ABCG2: variants seen among roughly 807,000 people sequenced by gnomAD.
ABCG2 encodes the protein broad substrate specificity ATP-binding cassette transporter ABCG2.
In ABCG2, 80 loss-of-function variants were observed where a neutral mutation model predicts 73.5. The observed-to-expected ratio is 1.09, with a 90% confidence interval of 0.91 to 1.31. The LOEUF is 1.31. Among genes scored for constraint, ABCG2 ranks in the 50% most tolerant of loss-of-function variants. The pLI, the probability that ABCG2 is intolerant of heterozygous loss-of-function variation, is 0.00. For synonymous variants in ABCG2, 269 were observed against 282.4 expected (o/e 0.95, Z 0.48); for missense variants, 796 against 786.2 (o/e 1.01, Z -0.15).
intron 6 of ABCG2, among the ~76,000 whole-genome samples, chr4:88,120,296 C>T (rs1196313005): frequency 6.6e-6 from 1 of 152,190 alleles, no homozygotes; most frequent in Non-Finnish European, 1.5e-5. Context: ...GGGTGGGAGC[C>T]CCTACACAGG....
chr4:88,146,709 T>A (rs1051125914), intron 1 of ABCG2, among the ~76,000 whole-genome samples: 3 of 151,866 alleles, frequency 2.0e-5, no homozygotes, highest in Non-Finnish European at 2.9e-5. Context: ...CTGTTAATTT[T>A]TATAGCAAAT....
At chr4:88,191,308 A>G (rs13117650) in intron 1 of ABCG2, among the ~76,000 whole-genome samples, 83,063 of 149,350 alleles carry the variant, frequency 0.56, 23,976 homozygotes, top group East Asian at 0.99. Flanking sequence ...ATTTACAAAG[A>G]CATTTCACCT....
intron 9 of ABCG2, among the ~76,000 whole-genome samples, chr4:88,112,671 AAGTG>A (rs1723220853): frequency 6.6e-6 from 1 of 152,200 alleles, no homozygotes; most frequent in South Asian, 2.1e-4. Flanking sequence ...CAGTGAACAA[AAGTG>A]AACAGCTACC....
chr4:88,093,999 T>G (rs1012691513), intron 15 of ABCG2, among the ~76,000 whole-genome samples: 7 of 152,208 alleles, frequency 4.6e-5, no homozygotes, highest in African/African-American at 1.2e-4. Flanking sequence ...TATTCCAAGT[T>G]AATTTAAAAA....
intron 1 of ABCG2, 111 bp from the exon 2 acceptor site, chr4:88,140,125 G>T: frequency 2.3e-6 from 2 of 884,184 alleles, no homozygotes; most frequent in Non-Finnish European, 3.4e-6. Flanking sequence ...GCAATGAGCA[G>T]CTTCATTTCC....
At chr4:88,176,720 C>T (rs536288993) in intron 1 of ABCG2, among the ~76,000 whole-genome samples, 1 of 143,144 alleles carries the variant, frequency 7.0e-6, no homozygotes, top group African/African-American at 2.6e-5. Flanking sequence ...TCTTGAGCTC[C>T]TGGACTCAAG....
chr4:88,119,205 C>A (rs1578195761), intron 6 of ABCG2, among the ~76,000 whole-genome samples: 2 of 152,208 alleles, frequency 1.3e-5, no homozygotes, highest in Admixed American at 6.5e-5. Context: ...GTACAACATG[C>A]CTTTTCTTCT....
intron 1 of ABCG2, among the ~76,000 whole-genome samples, chr4:88,214,502 A>T (rs1729732164): frequency 6.6e-6 from 1 of 152,100 alleles, no homozygotes; most frequent in South Asian, 2.1e-4. Context: ...AGGGATAGAT[A>T]ACTGGAACAA....
rs564379674 is a variant in ABCG2, at chr4:88,109,267, G to A, written c.1195-2001C>T. Among the ~76,000 whole-genome samples, 7 of 152,104 alleles carry A rather than the reference G, an allele frequency of 4.6e-5. No homozygotes were observed. In the East Asian group the frequency reaches 9.7e-4, roughly 21 times the overall value. On this transcript the variant is annotated intron_variant, in intron 9 of 15. Coordinates refer to ENST00000237612, the MANE Select transcript of ABCG2 (RefSeq NM_004827.3). ...CCCGCCTTGGCCTCCCAAAGCACTGGGATTACATGCATGAGCCACCATGCC... is the reference window on the plus strand; with the variant it reads ...CCCGCCTTGGCCTCCCAAAGCACTGAGATTACATGCATGAGCCACCATGCC...
chr4:88,229,689 T>A (rs981725285), intron 1 of ABCG2, among the ~76,000 whole-genome samples: 1 of 152,122 alleles, frequency 6.6e-6, no homozygotes, highest in African/African-American at 2.4e-5. Context: ...TTTTTCCCAT[T>A]GCTTTCTTCT....
At chr4:88,139,003 T>C (rs1279884771) in intron 2 of ABCG2, among the ~76,000 whole-genome samples, 1 of 151,782 alleles carries the variant, frequency 6.6e-6, no homozygotes, top group East Asian at 2.0e-4. Context: ...TAGCCAGGCA[T>C]GGTGGCACAC....
At chr4:88,148,922 T>C (rs1040987508) in intron 1 of ABCG2, among the ~76,000 whole-genome samples, 3 of 152,242 alleles carry the variant, frequency 2.0e-5, no homozygotes, top group Admixed American at 1.3e-4. Flanking sequence ...TTCTGTCCCC[T>C]TAATTTTTCA....
intron 13 of ABCG2, among the ~76,000 whole-genome samples, chr4:88,096,721 G>A (rs1722008747): frequency 1.3e-5 from 2 of 151,674 alleles, no homozygotes; most frequent in Admixed American, 1.3e-4. Flanking sequence ...AAAATTTAGG[G>A]GCATGTAAGA....
At chr4:88,131,743 C>G (rs2231140) in intron 4 of ABCG2, 60 bp downstream of exon 4, 1,593 of 1,255,704 alleles carry the variant, frequency 1.3e-3, no homozygotes, top group Non-Finnish European at 1.7e-3. Flanking sequence ...AACTATCAGC[C>G]AAAGCACTTA....
chr4:88,167,776 A>G (rs1727599781), intron 1 of ABCG2, among the ~76,000 whole-genome samples: 1 of 152,182 alleles, frequency 6.6e-6, no homozygotes, highest in Non-Finnish European at 1.5e-5. Flanking sequence ...TATAACTTCA[A>G]AATCCTTCAG....
chr4:88,120,398 G>A (rs1723888120), intron 6 of ABCG2, among the ~76,000 whole-genome samples: 1 of 152,118 alleles, frequency 6.6e-6, no homozygotes, highest in South Asian at 2.1e-4. Flanking sequence ...AGCTTGAATT[G>A]TGCATCTGGA....
At chr4:88,214,967 C>T (rs1729754834) in intron 1 of ABCG2, among the ~76,000 whole-genome samples, 1 of 151,850 alleles carries the variant, frequency 6.6e-6, no homozygotes, top group African/African-American at 2.4e-5. Flanking sequence ...TGGTGCACAC[C>T]TGTAGTCCCA....
chr4:88,217,026 G>A (rs1031734269), intron 1 of ABCG2, among the ~76,000 whole-genome samples: 9 of 149,302 alleles, frequency 6.0e-5, no homozygotes, highest in Non-Finnish European at 1.0e-4. Context: ...GCAAGACTCC[G>A]TCTCAAAAAA....
rs1266562059 is a variant in ABCG2 at position 88,118,246 on chromosome 4, C to A, written c.704G>T (p.Gly235Val). 6.2e-7 allele frequency: 1 copy of A among 1,613,990 alleles called. No individual in the cohort carries two copies. Among genetic ancestry groups the A allele is most frequent in the South Asian group, 1.1e-5 (1 of 91,050 alleles). Residue 235 changes from glycine (G) to valine (V), a missense_variant, in exon 7 of 16, where the codon GGA becomes GTA. Physicochemically the swap from Gly to Val is moderately radical, Grantham distance 109. Transcript: ENST00000237612. ...ATGAATGGAGAAGATGATTGTTCGT[C>A]CCTGCTTAGACATCCTAAGTTAAAA... ...LLLLKRMSKQ[G>V]RTIIFSIHQP... is the part of the protein sequence containing the mutation.
Sources: gnomAD v4.1 joint callset for allele counts (sites outside exome capture counted in the v4.1 genomes callset) on GRCh38, gnomAD v4.1.1 for gene constraint, MANE v1.5 for transcripts, NCBI Gene and HGNC (gene_info 2026-07-23, HGNC 2026-07-21) for gene names.